DYTN: variants seen among roughly 807,000 people sequenced by gnomAD.
The protein encoded by DYTN is dystrotelin.
Under a neutral mutation model 69.6 loss-of-function variants are expected in DYTN, and 75 were observed. The observed-to-expected ratio is 1.08, with a 90% CI of 0.89 to 1.31. The LOEUF (loss-of-function observed/expected upper bound fraction) is 1.31, where lower values mean the gene tolerates loss of function less well. Among genes scored for constraint, DYTN ranks in the 50% most tolerant of loss-of-function variants. DYTN has a pLI of 0.00. For missense variants in DYTN, 726 were observed against 688.4 expected (o/e 1.05, Z -0.61); for synonymous variants, 252 against 249.1 (o/e 1.01, Z -0.11).
intron 11 of DYTN, among the ~76,000 whole-genome samples, chr2:206,656,167 T>G (rs1275762407): frequency 6.6e-6 from 1 of 152,180 alleles, no homozygotes; most frequent in Non-Finnish European, 1.5e-5. Context: ...TGCTCTGATG[T>G]TTGGTGTATA....
intron 9 of DYTN, 87 bp downstream of exon 9, chr2:206,693,088 A>G: frequency 6.8e-7 from 1 of 1,474,938 alleles, no homozygotes; most frequent in Non-Finnish European, 9.0e-7. Flanking sequence ...GATCTTCAGC[A>G]TTAGAAAGAT....
chr2:206,680,278 A>G (rs1574593685), intron 9 of DYTN, among the ~76,000 whole-genome samples: 1 of 152,134 alleles, frequency 6.6e-6, no homozygotes, highest in East Asian at 1.9e-4. Flanking sequence ...CTTACTCACT[A>G]TTATGAGAAG....
At chr2:206,658,462 T>A (rs1699472859) in intron 11 of DYTN, among the ~76,000 whole-genome samples, 1 of 114,046 alleles carries the variant, frequency 8.8e-6, no homozygotes, top group Non-Finnish European at 1.9e-5. Context: ...ACTGGCCTCA[T>A]ACAGAAGACC....
At chr2:206,672,039 A>T (rs1699635461) in intron 9 of DYTN, among the ~76,000 whole-genome samples, 2 of 152,228 alleles carry the variant, frequency 1.3e-5, no homozygotes, top group Non-Finnish European at 1.5e-5. Context: ...ATGCGCGTAC[A>T]CACATACACA....
intron 11 of DYTN, among the ~76,000 whole-genome samples, chr2:206,658,676 C>G (rs894150054): frequency 6.6e-6 from 1 of 152,128 alleles, no homozygotes; most frequent in African/African-American, 2.4e-5. Context: ...CAATTGTTTC[C>G]CCCTGCAAAG....
intron 11 of DYTN, among the ~76,000 whole-genome samples, chr2:206,662,040 C>T (rs1699518161): frequency 6.6e-6 from 1 of 152,228 alleles, no homozygotes; most frequent in Admixed American, 6.5e-5. Flanking sequence ...CAGTGAGCCA[C>T]AGCTCCCAGT....
At chr2:206,675,639 C>T (rs1699679134) in intron 9 of DYTN, among the ~76,000 whole-genome samples, 1 of 151,872 alleles carries the variant, frequency 6.6e-6, no homozygotes, top group Non-Finnish European at 1.5e-5. Flanking sequence ...AAGATGTTTC[C>T]ACATCAACAT....
intron 1 of DYTN, among the ~76,000 whole-genome samples, chr2:206,713,541 T>A (rs1700099452): frequency 6.6e-6 from 1 of 152,302 alleles, no homozygotes; most frequent in Non-Finnish European, 1.5e-5. Flanking sequence ...GGGATGGCCA[T>A]GTCTGAGAGC....
chr2:206,681,412 T>G (rs1699748651), intron 9 of DYTN, among the ~76,000 whole-genome samples: 1 of 152,190 alleles, frequency 6.6e-6, no homozygotes, highest in Non-Finnish European at 1.5e-5. Context: ...AATACTATGT[T>G]GAATAGGAGT....
intron 7 of DYTN, among the ~76,000 whole-genome samples, chr2:206,696,946 A>G (rs760008762): frequency 4.6e-5 from 7 of 152,232 alleles, no homozygotes; most frequent in Non-Finnish European, 8.8e-5. Flanking sequence ...TCAACTAAGG[A>G]AAAATGGAGC....
chr2:206,679,116 C>T (rs1014219574), intron 9 of DYTN: 1 of 152,042 alleles, frequency 6.6e-6, no homozygotes, highest in Admixed American at 6.6e-5. Flanking sequence ...TTCCATTGGT[C>T]CAGTTGGCCT....
intron 2 of DYTN, among the ~76,000 whole-genome samples, chr2:206,710,088 A>G (rs1700065669): frequency 6.6e-6 from 1 of 152,208 alleles, no homozygotes; most frequent in East Asian, 1.9e-4. Context: ...GCATGTTCAT[A>G]TATAGATTAT....
rs755249303 is a variant in DYTN at position 206,705,768 on chromosome 2, C to T, written c.382+20G>A. The T allele has an allele frequency of 1.1e-5, 17 of 1,610,754 alleles. No homozygotes were observed. Among genetic ancestry groups the T allele is most frequent in the East Asian group, 2.2e-5 (1 of 44,808 alleles). On this transcript the variant is annotated intron_variant, in intron 4 of 11. Transcript: ENST00000452335. ...GGGGCTCACTGCACTTTAGGACACC[C>T]GCAGTCCTCTGCATGTTACCTCGGT...
chr2:206,696,893 A>G (rs905658889), intron 7 of DYTN, among the ~76,000 whole-genome samples: 8 of 152,214 alleles, frequency 5.3e-5, no homozygotes, highest in African/African-American at 1.7e-4. Context: ...AGGTTTTTCA[A>G]TGAACATTAG....
At chr2:206,667,357 T>TTCCCCAGCTCATTGCTCAGTTCCC (rs1699584725) in intron 9 of DYTN, among the ~76,000 whole-genome samples, 3 of 152,334 alleles carry the variant, frequency 2.0e-5, no homozygotes, top group African/African-American at 7.2e-5. Context: ...ATGCTGTTTC[T>TTCCCCAGCTCATTGCTCAGTTCCC]TCCCCAGCTC....
chr2:206,677,213 G>T (rs1238114678), intron 9 of DYTN, among the ~76,000 whole-genome samples: 1 of 152,158 alleles, frequency 6.6e-6, no homozygotes, highest in Non-Finnish European at 1.5e-5. Context: ...CTCCTGAAGT[G>T]CTGGGATTAC....
At chr2:206,696,011 CAT>C (rs1393943345) in intron 7 of DYTN, among the ~76,000 whole-genome samples, 1 of 152,160 alleles carries the variant, frequency 6.6e-6, no homozygotes, top group Non-Finnish European at 1.5e-5. Context: ...AAAACTTTGA[CAT>C]GGAAGGTTGA....
At chr2:206,687,632 T>C (rs1381408063) in intron 9 of DYTN, among the ~76,000 whole-genome samples, 1 of 152,156 alleles carries the variant, frequency 6.6e-6, no homozygotes, top group Non-Finnish European at 1.5e-5. Context: ...AATATTTATT[T>C]TAAATTCTTT....
In DYTN at chr2:206,707,345, C is replaced by T. The variant is rs1312919526; in HGVS notation, c.253G>A (p.Ala85Thr). 2.5e-6 allele frequency: 4 copies of T among 1,612,752 alleles called. No individual in the cohort carries two copies. The South Asian group carries it at 4.4e-5, about 18-fold the overall frequency. ...EENPGQVHPR[A>T]PELTLSLLTT... The stretch of plus-strand genomic sequence containing the variant: ...AGAAGGCTCAGAGTGAGTTCCGGAG[C>T]TCTGGGATGCACTTGTCCTGGGTTT... Residue 85 changes from alanine (A) to threonine (T), a missense_variant, in exon 3 of 12, where the codon GCT becomes ACT. Ala to Thr is a moderately conservative substitution (Grantham distance 58). Coordinates refer to ENST00000452335, the MANE Select transcript of DYTN (RefSeq NM_001093730.1).
Sources: gnomAD v4.1 joint callset for allele counts (sites outside exome capture counted in the v4.1 genomes callset) on GRCh38, gnomAD v4.1.1 for gene constraint, MANE v1.5 for transcripts, NCBI Gene and HGNC (gene_info 2026-07-23, HGNC 2026-07-21) for gene names.